The following CDYL variants were observed in gnomAD, a reference collection of about 807,000 sequenced individuals.
CDYL encodes chromodomain Y like, also known as chromodomain Y-like protein.
In CDYL, 8 loss-of-function variants were observed where a neutral mutation model predicts 47.3. The ratio of observed to expected loss-of-function variants is 0.17; its 90% CI spans 0.10 to 0.31. CDYL has a LOEUF of 0.31. CDYL is among the 10% of genes least tolerant of loss of function. The probability of loss-of-function intolerance (pLI) is 1.00; values close to 1 mark genes in which losing one functional copy is unlikely to be tolerated. For synonymous variants in CDYL, 266 were observed against 265.0 expected, an observed-to-expected ratio of 1.00 and a Z score of -0.04; for missense variants, 471 against 701.4, an observed-to-expected ratio of 0.67 and a Z score of 3.71.
intron 1 of CDYL, among the ~76,000 whole-genome samples, chr6:4,816,586 C>T (rs1392015810): frequency 2.0e-5 from 3 of 151,236 alleles, no homozygotes; most frequent in Non-Finnish European, 4.4e-5. Context: ...GCAACCTCCA[C>T]CTCCCAGGCT....
chr6:4,743,754 G>A (rs1757838030), intron 3 of CDYL, among the ~76,000 whole-genome samples: 1 of 152,158 alleles, frequency 6.6e-6, no homozygotes, highest in Admixed American at 6.5e-5. Flanking sequence ...AGGTTTAGTT[G>A]CATAAAACAG....
chr6:4,815,832 T>A (rs573751384), intron 1 of CDYL, among the ~76,000 whole-genome samples: 98 of 152,118 alleles, frequency 6.4e-4, no homozygotes, highest in African/African-American at 2.3e-3. Flanking sequence ...TTTAAAAATA[T>A]ATGTATTTTT....
At position 4,711,662 on chromosome 6, in the gene CDYL, C is replaced by G. The variant is rs557508135; in HGVS notation, c.-38-4079C>G. 1.1e-4 allele frequency among the ~76,000 whole-genome samples: 16 copies of G among 152,164 alleles called. No homozygotes were observed. In the South Asian group the frequency reaches 3.1e-3, roughly 30 times the overall value. On this transcript the variant is annotated intron_variant, in intron 1 of 8. Coordinates refer to the CDYL transcript ENST00000328908. ...CTGGACTTATTGCTGACATACACAC[C>G]AAAGGCTGAGTTTGTCTTCTGGGTT...
intron 3 of CDYL, among the ~76,000 whole-genome samples, chr6:4,759,627 A>G (rs1758137829): frequency 6.6e-6 from 1 of 151,878 alleles, no homozygotes; most frequent in Admixed American, 6.6e-5. Context: ...CACACCTGTA[A>G]TTCCATCACT....
At chr6:4,868,114 A>T (rs1300408993) in intron 1 of CDYL, among the ~76,000 whole-genome samples, 1 of 151,660 alleles carries the variant, frequency 6.6e-6, no homozygotes, top group East Asian at 1.9e-4. Context: ...ATTGATTTAT[A>T]CTTGGATCTT....
At chr6:4,791,710 GAAAA>G (rs775103889) in intron 1 of CDYL, among the ~76,000 whole-genome samples, 1 of 141,886 alleles carries the variant, frequency 7.0e-6, no homozygotes. Flanking sequence ...ATCAAAGAAA[GAAAA>G]AAAAAAAGTC....
intron 3 of CDYL, among the ~76,000 whole-genome samples, chr6:4,752,517 T>C (rs939310862): frequency 5.9e-5 from 9 of 152,128 alleles, no homozygotes; most frequent in African/African-American, 1.7e-4. Flanking sequence ...CAGGATAATA[T>C]TGACTAAGCA....
At chr6:4,847,279 G>A (rs753768732) in intron 1 of CDYL, among the ~76,000 whole-genome samples, 2 of 152,126 alleles carry the variant, frequency 1.3e-5, no homozygotes, top group African/African-American at 4.8e-5. Flanking sequence ...GTCACTTGCC[G>A]CCCCCATCCG....
intron 1 of CDYL, among the ~76,000 whole-genome samples, chr6:4,787,745 G>A (rs546005061): frequency 6.6e-6 from 1 of 151,092 alleles, no homozygotes; most frequent in South Asian, 2.1e-4. Context: ...GGTGCGGACA[G>A]GCTGCTCTGA....
intron 1 of CDYL, among the ~76,000 whole-genome samples, chr6:4,777,139 G>C (rs890464160): frequency 6.7e-6 from 1 of 149,976 alleles, no homozygotes; most frequent in African/African-American, 2.5e-5. Flanking sequence ...GCCGCTCGGC[G>C]GGGACCGTGG....
intron 1 of CDYL, among the ~76,000 whole-genome samples, chr6:4,872,886 G>A (rs1200073600): frequency 1.3e-5 from 2 of 152,158 alleles, no homozygotes; most frequent in African/African-American, 4.8e-5. Context: ...CAGTGATTCC[G>A]ATTCAGAACA....
chr6:4,899,187 T>G (rs1172189196), intron 2 of CDYL, among the ~76,000 whole-genome samples: 2 of 152,156 alleles, frequency 1.3e-5, no homozygotes, highest in Non-Finnish European at 2.9e-5. Context: ...TATGTAAAAA[T>G]GAATTAAATA....
chr6:4,722,595 TGC>T (rs987205310), intron 2 of CDYL, among the ~76,000 whole-genome samples: 1 of 150,880 alleles, frequency 6.6e-6, no homozygotes, highest in Non-Finnish European at 1.5e-5. Context: ...CCACAGTTCA[TGC>T]CAGGCACAGT....
intron 1 of CDYL, among the ~76,000 whole-genome samples, chr6:4,856,477 G>A (rs1160006302): frequency 6.6e-6 from 1 of 152,210 alleles, no homozygotes; most frequent in African/African-American, 2.4e-5. Context: ...GGGCCAGAAG[G>A]GCAGTCCACA....
At chr6:4,790,316 G>A (rs1016784623) in intron 1 of CDYL, among the ~76,000 whole-genome samples, 1 of 152,220 alleles carries the variant, frequency 6.6e-6, no homozygotes, top group Non-Finnish European at 1.5e-5. Flanking sequence ...ATGTGTAAGT[G>A]ACCTTTTGCA....
intron 1 of CDYL, among the ~76,000 whole-genome samples, chr6:4,863,057 C>T (rs808603): frequency 0.37 from 56,644 of 152,062 alleles, 13,112 homozygotes; most frequent in African/African-American, 0.66. Context: ...TGCAGCAGCA[C>T]AATGCAGCTG....
chr6:4,852,881 C>CT (rs1318318064), intron 1 of CDYL, among the ~76,000 whole-genome samples: 1 of 151,914 alleles, frequency 6.6e-6, no homozygotes, highest in Admixed American at 6.5e-5. Context: ...TCACTGCAGC[C>CT]TCGAGCTCCT....
chr6:4,790,855 A>G (rs1758897976), intron 1 of CDYL, among the ~76,000 whole-genome samples: 1 of 152,240 alleles, frequency 6.6e-6, no homozygotes, highest in South Asian at 2.1e-4. Flanking sequence ...AAGTTAAGCA[A>G]GTATCTGTAA....
intron 1 of CDYL, among the ~76,000 whole-genome samples, chr6:4,877,231 A>G (rs1459553176): frequency 5.3e-5 from 8 of 152,140 alleles, no homozygotes; most frequent in Non-Finnish European, 8.8e-5. Flanking sequence ...CTCCCCATCT[A>G]TGGCTTGTTT....
Sources: allele counts gnomAD v4.1 joint callset (sites outside exome capture counted in the v4.1 genomes callset), GRCh38; gene constraint gnomAD v4.1.1; transcripts MANE v1.5; gene names NCBI Gene and HGNC (gene_info 2026-07-23, HGNC 2026-07-21).